Variants in ZNF600 observed in about 807,000 individuals in gnomAD.
ZNF600 encodes zinc finger protein KR-ZNF1.
Under a neutral mutation model 7.3 loss-of-function variants are expected in ZNF600, and 4 were observed. That is an observed-to-expected ratio of 0.55 (90% CI 0.27 to 1.25). The LOEUF (loss-of-function observed/expected upper bound fraction) is 1.25, where lower values mean the gene tolerates loss of function less well. ZNF600 is among the 50% of genes most tolerant of loss of function. ZNF600 has a pLI of 0.12. For synonymous variants in ZNF600, 290 were observed against 308.9 expected, an observed-to-expected ratio of 0.94 and a Z score of 0.64; for missense variants, 911 against 922.1, an observed-to-expected ratio of 0.99 and a Z score of 0.16.
chr19:52,798,149 A>C, the ZNF600 span: 1 of 156,850 alleles, frequency 6.4e-6, no homozygotes, highest in East Asian at 1.9e-4. Flanking sequence ...AAAAAGAAAA[A>C]AGAAAGAAAG....
the ZNF600 span, among the ~76,000 whole-genome samples, chr19:52,815,104 TA>T: frequency 2.9e-4 from 9 of 30,762 alleles, 1 homozygote; most frequent in African/African-American, 7.2e-4. Context: ...TATATATTTA[TA>T]TATATATATA....
the ZNF600 span, chr19:52,817,920 A>G: frequency 7.5e-6 from 12 of 1,608,774 alleles, no homozygotes; most frequent in African/African-American, 1.6e-4. Context: ...GAGACAGAGC[A>G]ATCCACCGAG....
chr19:52,822,074 C>CTTTTTTTTTTTTTTTTTTTTT, the ZNF600 span, among the ~76,000 whole-genome samples: 6 of 78,696 alleles, frequency 7.6e-5, no homozygotes, highest in Admixed American at 3.3e-4. Context: ...TTCTTTTTCC[C>CTTTTTTTTTTTTTTTTTTTTT]TTTTTTTTTT....
At chr19:52,799,082 G>T in the ZNF600 span, 1 of 438,254 alleles carries the variant, frequency 2.3e-6, no homozygotes, top group Non-Finnish European at 4.4e-6. Flanking sequence ...TGACAACTTT[G>T]TCACAGTCTT....
the ZNF600 span, among the ~76,000 whole-genome samples, chr19:52,817,588 T>C: frequency 1.3e-5 from 2 of 152,106 alleles, no homozygotes; most frequent in African/African-American, 2.4e-5. Context: ...TTGACTCCCA[T>C]TGGCAGCTGC....
At chr19:52,810,718 G>C in the ZNF600 span, 1 of 733,570 alleles carries the variant, frequency 1.4e-6, no homozygotes, top group African/African-American at 1.8e-5. Flanking sequence ...AAAAAAATGT[G>C]TATTAGGAGA....
the ZNF600 span, among the ~76,000 whole-genome samples, chr19:52,802,584 G>A: frequency 6.6e-6 from 1 of 151,472 alleles, no homozygotes; most frequent in Non-Finnish European, 1.5e-5. Context: ...GGCTGAGTCA[G>A]GATAATCGCT....
chr19:52,784,600 C>T (rs953304930), intron 1 of ZNF600, among the ~76,000 whole-genome samples: 2 of 152,106 alleles, frequency 1.3e-5, no homozygotes, highest in Non-Finnish European at 2.9e-5. Flanking sequence ...GTCTCATAGA[C>T]AGGAGTTTTA....
chr19:52,779,578 T>C (rs1416978237), intron 1 of ZNF600, among the ~76,000 whole-genome samples: 2 of 152,034 alleles, frequency 1.3e-5, no homozygotes, highest in Non-Finnish European at 2.9e-5. Flanking sequence ...GTGGGGTGAA[T>C]GATGGGCTGT....
the ZNF600 span, chr19:52,799,714 T>C: frequency 1.9e-6 from 3 of 1,608,428 alleles, no homozygotes; most frequent in Non-Finnish European, 1.7e-6. Flanking sequence ...CTATGAAGTC[T>C]ATGATGGTAT....
In ZNF600 at chr19:52,767,256, C is replaced by T. The variant is rs772021485; in HGVS notation, c.707G>A (p.Ser236Asn). 4.3e-6 allele frequency: 7 copies of T among 1,614,078 alleles called. No homozygotes were observed. The East Asian group carries it at 1.3e-4, about 31-fold the overall frequency. The change falls in exon 4 of 4, where the codon AGT becomes AAT. Residue 236 changes from serine to asparagine, a missense_variant. Physicochemically the swap from Ser to Asn is conservative, Grantham distance 46 (BLOSUM62 1). Transcript: ENST00000648973. ...TGAGCTACAATTAAAGGCTTTGCCA[C>T]TCTCATTACATTGGAAAGATTTTTC...
chr19:52,820,133 C>T, the ZNF600 span, among the ~76,000 whole-genome samples: 1 of 88,676 alleles, frequency 1.1e-5, no homozygotes, highest in Non-Finnish European at 2.2e-5. Flanking sequence ...TTTTTTGAGA[C>T]GGAGTCTCGC....
chr19:52,832,722 G>A, the ZNF600 span, among the ~76,000 whole-genome samples: 1 of 152,098 alleles, frequency 6.6e-6, no homozygotes, highest in African/African-American at 2.4e-5. Context: ...ACTCTAAATT[G>A]TGCCATTGTA....
intron 3 of ZNF600, 75 bp downstream of exon 5, chr19:52,774,500 G>C: frequency 1.1e-6 from 1 of 909,638 alleles, no homozygotes; most frequent in Non-Finnish European, 1.3e-6. Flanking sequence ...AATCACAAAA[G>C]AGAACACAAA....
At chr19:52,815,821 T>A in the ZNF600 span, among the ~76,000 whole-genome samples, 1 of 144,976 alleles carries the variant, frequency 6.9e-6, no homozygotes. Flanking sequence ...CGAGGCTCCA[T>A]CTCAAAAAAA....
the ZNF600 span, chr19:52,801,140 T>C: frequency 9.3e-6 from 15 of 1,614,038 alleles, no homozygotes; most frequent in African/African-American, 1.3e-5. Context: ...CTAAGTGGGT[T>C]ATCTGATGTT....
At chr19:52,765,909 C>A in exon 4 of ZNF600, 2 of 1,614,108 alleles carry the variant, frequency 1.2e-6, no homozygotes, top group Non-Finnish European at 1.7e-6. Context: ...AAAAGCCTTC[C>A]CACATTCATT....
At chr19:52,807,181 A>G in the ZNF600 span, among the ~76,000 whole-genome samples, 13,393 of 152,230 alleles carry the variant, frequency 0.088, 1,050 homozygotes, top group South Asian at 0.2. Flanking sequence ...CCTTGCTCCA[A>G]CATGGAGACA....
At chr19:52,768,564 T>C (rs1198750299) in intron 3 of ZNF600, among the ~76,000 whole-genome samples, 1 of 152,080 alleles carries the variant, frequency 6.6e-6, no homozygotes, top group East Asian at 1.9e-4. Context: ...TATTTTTATT[T>C]TTTTGAGATG....
Sources: allele counts gnomAD v4.1 joint callset (sites outside exome capture counted in the v4.1 genomes callset), GRCh38; gene constraint gnomAD v4.1.1; transcripts MANE v1.5; gene names NCBI Gene and HGNC (gene_info 2026-07-23, HGNC 2026-07-21).